AVPR1B: variants seen among roughly 807,000 people sequenced by gnomAD.
AVPR1B encodes the protein vasopressin V1b receptor.
AVPR1B carries 25 observed loss-of-function variants against 27.5 expected under a neutral mutation model. That is an observed-to-expected ratio of 0.91 (90% CI 0.66 to 1.27). The LOEUF (loss-of-function observed/expected upper bound fraction) is 1.27, where lower values mean the gene tolerates loss of function less well. Ranked by LOEUF, AVPR1B falls within the 50% of genes most tolerant of loss-of-function variation. AVPR1B has a pLI of 0.00. For missense variants in AVPR1B, 595 were observed against 556.9 expected, an observed-to-expected ratio of 1.07 and a Z score of -0.69; for synonymous variants, 248 against 240.2, an observed-to-expected ratio of 1.03 and a Z score of -0.30.
rs782085577 is a variant in AVPR1B, at chr1:206,116,618, C to T, written c.273G>A (p.Gln91=). Residue 91 remains glutamine, a synonymous_variant, in exon 1 of 2, where the codon CAG becomes CAA. Transcript: ENST00000367126. Reference sequence around the variant, plus strand: ...AGCGGTAGGTGATGTCCCACAGCAGCTGTGGCAGCACCTGGAAGAGCGCCA... The same window carrying T: ...AGCGGTAGGTGATGTCCCACAGCAGTTGTGGCAGCACCTGGAAGAGCGCCA... The part of the protein sequence containing the change: ...LAVALFQVLP[Q]LLWDITYRFQ... The T allele has an allele frequency of 7.4e-6, 12 of 1,614,102 alleles. No individual in the cohort carries two copies. The highest frequency in any genetic ancestry group is 5.0e-5 in the Admixed American group (3 of 60,034).
rs370042532 is a variant in AVPR1B, at chr1:206,116,485, C to G, written c.406G>C (p.Val136Leu). 6.1e-5 allele frequency: 98 copies of G among 1,613,876 alleles called. No individual in the cohort carries two copies. Among genetic ancestry groups the G allele is most frequent in the Non-Finnish European group, 7.9e-5 (93 of 1,180,010 alleles). The change falls in exon 1 of 2, where the codon GTC becomes CTC. Residue 136 changes from valine to leucine, a missense_variant. By Grantham distance (32) the Val-to-Leu change is conservative. Coordinates refer to ENST00000367126, the MANE Select transcript of AVPR1B (RefSeq NM_000707.5). The stretch of plus-strand genomic sequence containing the variant: ...TGGAGGCTGCGCAGGGGGTGACAGA[C>G]AGCCAGGTAGCGGTCCAGCGTCATG... ...LAMTLDRYLA[V>L]CHPLRSLQQP... is the part of the protein sequence containing the mutation.
rs1408036245 is a variant in AVPR1B at position 206,115,977 on chromosome 1, A to G, written c.914T>C (p.Val305Ala). ...APFFSVQMWS[V>A]WDKNAPDEDS... is the part of the protein sequence containing the mutation. ...TTCATCAGGGGCATTCTTGTCCCAC[A>G]CGGACCACATCTGGACACTGAAGAA... Residue 305 changes from valine to alanine, a missense_variant, in exon 1 of 2, where the codon GTG (valine) becomes GCG (alanine). Coordinates refer to ENST00000367126, the MANE Select transcript of AVPR1B (RefSeq NM_000707.5). 11 of 1,608,710 alleles carry G rather than the reference A, an allele frequency of 6.8e-6. No individual in the cohort carries two copies. Among genetic ancestry groups the G allele is most frequent in the Non-Finnish European group, 8.5e-6 (10 of 1,176,188 alleles).
In AVPR1B at chr1:206,116,836, C is replaced by T. The variant is rs782395539; in HGVS notation, c.55G>A (p.Ala19Thr). 3.1e-6 allele frequency: 5 copies of T among 1,613,890 alleles called. No individual in the cohort carries two copies. In the Admixed American group the frequency reaches 8.3e-5, roughly 27 times the overall value. ...AGCCAGGGTGTTGTGGCATTGGGGG[C>T]AGAGAGGGTGCCCCGAGGGGTGGGG... Reference protein sequence around the residue: ...ANPTPRGTLSAPNATTPWLGR... With the variant: ...ANPTPRGTLSTPNATTPWLGR... The change falls in exon 1 of 2, where the codon GCC becomes ACC. Residue 19 changes from alanine (A) to threonine (T), a missense_variant. By Grantham distance (58) the Ala-to-Thr change is moderately conservative. Coordinates refer to ENST00000367126, the MANE Select transcript of AVPR1B (RefSeq NM_000707.5).
Position 206,117,081 on chromosome 1 carries a change from C to A in AVPR1B, c.-191G>T, listed in dbSNP as rs1226137547. The A allele has an allele frequency of 4.0e-5, 26 of 647,580 alleles. No individual in the cohort carries two copies. In the East Asian group the frequency reaches 6.7e-4, roughly 17 times the overall value. The allele number at this position is 647,580 out of a possible 1,614,324, so 40.1% of individuals were successfully genotyped here. On this transcript the variant is annotated 5_prime_UTR_variant, in exon 1 of 2. Transcript: ENST00000367126. The stretch of plus-strand genomic sequence containing the variant: ...AGAGAGGAGGAGGGAGGATGAGATT[C>A]GGAAGGAGAAAATGTGACTGGGATC...
intron 1 of AVPR1B, among the ~76,000 whole-genome samples, chr1:206,115,033 A>G (rs562426300): frequency 6.6e-6 from 1 of 152,364 alleles, no homozygotes; most frequent in East Asian, 1.9e-4. Context: ...GGGCATGTAT[A>G]TTAAAGAGAA....
At position 206,108,116 on chromosome 1, in the gene AVPR1B, A is replaced by G; in HGVS notation, c.*2073T>C. Among the ~76,000 whole-genome samples, 1 of 151,948 alleles carries G rather than the reference A, an allele frequency of 6.6e-6. No homozygotes were observed. The highest frequency in any genetic ancestry group is 1.5e-5 in the Non-Finnish European group (1 of 67,994). ...TAGGGTCAGAAACTGTGGTCTAAAG[A>G]TGGGGCAAGGGGGTGGGGAGGCCGC... On this transcript the variant is annotated 3_prime_UTR_variant, in exon 2 of 2. Coordinates refer to ENST00000367126, the MANE Select transcript of AVPR1B (RefSeq NM_000707.5).
intron 1 of AVPR1B, among the ~76,000 whole-genome samples, chr1:206,111,170 A>G (rs28483632): frequency 0.21 from 31,203 of 152,054 alleles, 4,550 homozygotes; most frequent in African/African-American, 0.41. Context: ...CCCTACAGCC[A>G]AGGGGGCAGC....
Position 206,116,331 on chromosome 1 carries a change from C to T in AVPR1B, c.560G>A (p.Trp187Ter), listed in dbSNP as rs1663470020. The T allele has an allele frequency of 7.4e-6, 12 of 1,613,536 alleles. No homozygotes were observed. Among genetic ancestry groups the T allele is most frequent in the South Asian group, 1.1e-5 (1 of 91,076 alleles). ...VIQGSGVLDC[W>*]ADFGFPWGPR... ...CCCCCAAGGGAAGCCGAAGTCTGCC[C>T]AGCAGTCCAGCACCCCTGAGCCCTG... The change falls in exon 1 of 2, where the codon TGG becomes TAG. Residue 187 changes from tryptophan (W) to a stop codon, truncating the protein, a stop_gained. Transcript: ENST00000367126. LOFTEE classifies it high-confidence loss of function.
In AVPR1B at chr1:206,110,505, A is replaced by C; in HGVS notation, c.959T>G (p.Phe320Cys). 6.2e-7 allele frequency: 1 copy of C among 1,609,900 alleles called. No homozygotes were observed. The highest frequency in any genetic ancestry group is 8.5e-7 in the Non-Finnish European group (1 of 1,176,976). Residue 320 changes from phenylalanine (F) to cysteine (C), a missense_variant, in exon 2 of 2, where the codon TTC becomes TGC. Transcript: ENST00000367126. The stretch of plus-strand genomic sequence containing the variant: ...GTTGCCCAAAAGCATAGAGATGGTG[A>C]AAGCCACATTGGTGGAATCTACCAA... ...APDEDSTNVA[F>C]TISMLLGNLN...
At position 206,117,316 on chromosome 1, in the gene AVPR1B, A is replaced by G. The variant is rs1553290708; in HGVS notation, c.-426T>C. The G allele has an allele frequency of 6.2e-6, 1 of 162,424 alleles. No homozygotes were observed. The highest frequency in any genetic ancestry group is 2.4e-5 in the African/African-American group (1 of 41,644). The allele number at this position is 162,424 out of a possible 1,614,324, so 10.1% of individuals were successfully genotyped here. On this transcript the variant is annotated 5_prime_UTR_variant, in exon 1 of 2. Coordinates refer to ENST00000367126, the MANE Select transcript of AVPR1B (RefSeq NM_000707.5). ...CCTGCTTGGAGGCGCGGTCCGGGGCAGTCGGTGTCGCGCTCAGGGCAGGAA... is the reference window on the plus strand; with the variant it reads ...CCTGCTTGGAGGCGCGGTCCGGGGCGGTCGGTGTCGCGCTCAGGGCAGGAA...
At position 206,117,049 on chromosome 1, in the gene AVPR1B, C is replaced by A; in HGVS notation, c.-159G>T. On this transcript the variant is annotated 5_prime_UTR_variant, in exon 1 of 2. Coordinates refer to ENST00000367126, the MANE Select transcript of AVPR1B (RefSeq NM_000707.5). ...AAATAGGCGGAAATCGTTCAGAGGA[C>A]TGGGATAGAGAGGAGGAGGGAGGAT... 1.4e-6 allele frequency: 1 copy of A among 739,172 alleles called. No homozygotes were observed. Among genetic ancestry groups the A allele is most frequent in the Admixed American group, 2.4e-5 (1 of 42,478 alleles). The allele number at this position is 739,172 out of a possible 1,614,324, so 45.8% of individuals were successfully genotyped here. A position where few individuals can be genotyped will look rare whatever the true frequency, so the allele number is the denominator to read the frequency against.
rs544478913 is a variant in AVPR1B, at chr1:206,110,109, A to G, written c.*80T>C. ...CTCTAACTCCAACCCTTACCCTCCC[A>G]GCTCTCATTTCCAGTGCCCGAGGTG... On this transcript the variant is annotated 3_prime_UTR_variant, in exon 2 of 2. Transcript: ENST00000367126. The G allele has an allele frequency of 6.8e-7, 1 of 1,460,126 alleles. No individual in the cohort carries two copies. Among genetic ancestry groups the G allele is most frequent in the South Asian group, 1.4e-5 (1 of 72,812 alleles). The allele number at this position is 1,460,126 out of a possible 1,614,324, so 90.4% of individuals were successfully genotyped here.
Position 206,110,036 on chromosome 1 carries a change from G to A in AVPR1B, c.*153C>T. 1.2e-6 allele frequency: 1 copy of A among 847,950 alleles called. No individual in the cohort carries two copies. Among genetic ancestry groups the A allele is most frequent in the Non-Finnish European group, 1.8e-6 (1 of 556,214 alleles). The allele number at this position is 847,950 out of a possible 1,614,324, so 52.5% of individuals were successfully genotyped here. A position where few individuals can be genotyped will look rare whatever the true frequency, so the allele number is the denominator to read the frequency against. ...CACACTAGGGGCAGCTGTGACACCA[G>A]GGTAGGGGACCCATTCTGGCCTTTT... On this transcript the variant is annotated 3_prime_UTR_variant, in exon 2 of 2. Coordinates refer to ENST00000367126, the MANE Select transcript of AVPR1B (RefSeq NM_000707.5).
At position 206,108,325 on chromosome 1, in the gene AVPR1B, G is replaced by C. The variant is rs1274876506; in HGVS notation, c.*1864C>G. ...ATCTGCCTGAGCCTTGGTCCCATTA[G>C]GGTCTCACTCTCCAGTTCTCTAGCA... On this transcript the variant is annotated 3_prime_UTR_variant, in exon 2 of 2. Transcript: ENST00000367126. Among the ~76,000 whole-genome samples, 2 of 152,228 alleles carry C rather than the reference G, an allele frequency of 1.3e-5. No individual in the cohort carries two copies. Among genetic ancestry groups the C allele is most frequent in the African/African-American group, 4.8e-5 (2 of 41,462 alleles).
rs1663493728 is a variant in AVPR1B, at chr1:206,117,062, G to A, written c.-172C>T. On this transcript the variant is annotated 5_prime_UTR_variant, in exon 1 of 2. Coordinates refer to ENST00000367126, the MANE Select transcript of AVPR1B (RefSeq NM_000707.5). Reference sequence around the variant, plus strand: ...TCGTTCAGAGGACTGGGATAGAGAGGAGGAGGGAGGATGAGATTCGGAAGG... The same window carrying A: ...TCGTTCAGAGGACTGGGATAGAGAGAAGGAGGGAGGATGAGATTCGGAAGG... The A allele has an allele frequency of 4.3e-6, 3 of 692,686 alleles. No homozygotes were observed. Among genetic ancestry groups the A allele is most frequent in the East Asian group, 2.6e-5 (1 of 39,206 alleles). 42.9% of individuals were successfully genotyped at this position (692,686 alleles called of 1,614,324 possible). A position where few individuals can be genotyped will look rare whatever the true frequency, so the allele number is the denominator to read the frequency against.
At position 206,116,996 on chromosome 1, in the gene AVPR1B, C is replaced by T. The variant is rs933049265; in HGVS notation, c.-106G>A. The T allele has an allele frequency of 2.5e-5, 27 of 1,078,332 alleles. No homozygotes were observed. The highest frequency in any genetic ancestry group is 3.5e-5 in the Non-Finnish European group (26 of 732,414). The allele number at this position is 1,078,332 out of a possible 1,614,324, so 66.8% of individuals were successfully genotyped here. Reference sequence around the variant, plus strand: ...AGGGGAGGTGGAGAGAAAGGAGAAGCGTTGAGAATGACAGGGAGAAGGCTT... The same window carrying T: ...AGGGGAGGTGGAGAGAAAGGAGAAGTGTTGAGAATGACAGGGAGAAGGCTT... On this transcript the variant is annotated 5_prime_UTR_variant, in exon 1 of 2. Coordinates refer to ENST00000367126, the MANE Select transcript of AVPR1B (RefSeq NM_000707.5).
intron 1 of AVPR1B, among the ~76,000 whole-genome samples, chr1:206,114,649 G>A (rs782243815): frequency 6.6e-6 from 1 of 152,194 alleles, no homozygotes; most frequent in Non-Finnish European, 1.5e-5. Context: ...TCCTCTTAGA[G>A]GTTCCCATGT....
In AVPR1B at chr1:206,109,933, T is replaced by C; in HGVS notation, c.*256A>G. 2 of 524,886 alleles carry C rather than the reference T, an allele frequency of 3.8e-6. 1 individual carries two copies. The highest frequency in any genetic ancestry group is 4.9e-5 in the South Asian group (2 of 40,406). 32.5% of individuals were successfully genotyped at this position (524,886 alleles called of 1,614,324 possible). A position where few individuals can be genotyped will look rare whatever the true frequency, so the allele number is the denominator to read the frequency against. On this transcript the variant is annotated 3_prime_UTR_variant, in exon 2 of 2. Coordinates refer to ENST00000367126, the MANE Select transcript of AVPR1B (RefSeq NM_000707.5). ...TGTGTGCATGGACACCCTATGAATA[T>C]GGCAGGACCAGGGAGACAGGCAGTT...
chr1:206,115,194 A>C (rs1284587928), intron 1 of AVPR1B, among the ~76,000 whole-genome samples: 3 of 152,186 alleles, frequency 2.0e-5, no homozygotes. Flanking sequence ...CCTATCAATC[A>C]AAAGCCAGAT....
Sources: allele counts gnomAD v4.1 joint callset (sites outside exome capture counted in the v4.1 genomes callset), GRCh38; gene constraint gnomAD v4.1.1; transcripts MANE v1.5; gene names NCBI Gene and HGNC (gene_info 2026-07-23, HGNC 2026-07-21).